Variants in ADAMTS18 observed in about 807,000 individuals in gnomAD.
ADAMTS18 encodes the protein ADAM metallopeptidase with thrombospondin type 1 motif 18, also known as A disintegrin and metalloproteinase with thrombospondin motifs 18.
In ADAMTS18, 157 loss-of-function variants were observed where a neutral mutation model predicts 165.9. The observed-to-expected ratio is 0.95, with a 90% CI of 0.83 to 1.08. The LOEUF (loss-of-function observed/expected upper bound fraction) is 1.08. ADAMTS18 is among the 50% of genes least tolerant of loss of function. The pLI, the probability that ADAMTS18 is intolerant of heterozygous loss-of-function variation, is 0.00. For missense variants in ADAMTS18, 2,040 were observed against 1,534.0 expected, an observed-to-expected ratio of 1.33 and a Z score of -5.51; for synonymous variants, 782 against 578.2, an observed-to-expected ratio of 1.35 and a Z score of -5.06.
Position 77,320,101 on chromosome 16 carries a change from G to A in ADAMTS18, c.2288-8C>T. 1.9e-6 allele frequency: 3 copies of A among 1,614,068 alleles called. No homozygotes were observed. Among genetic ancestry groups the A allele is most frequent in the Non-Finnish European group, 2.5e-6 (3 of 1,179,988 alleles). On this transcript the variant is annotated splice_polypyrimidine_tract_variant and splice_region_variant and intron_variant, in intron 15 of 22. Transcript: ENST00000282849. ...GGACCACCGGATAATATTCTAAATGGAAAGAAGAGAACATGTCTGAATTCC... is the reference window on the plus strand; with the variant it reads ...GGACCACCGGATAATATTCTAAATGAAAAGAAGAGAACATGTCTGAATTCC...
chr16:77,368,811 A>G (rs1466261365), intron 3 of ADAMTS18, among the ~76,000 whole-genome samples: 2 of 152,164 alleles, frequency 1.3e-5, no homozygotes, highest in Admixed American at 1.3e-4. Flanking sequence ...GGGTCTAGAG[A>G]ATCTGATGAG....
intron 3 of ADAMTS18, among the ~76,000 whole-genome samples, chr16:77,375,156 T>C (rs1303703962): frequency 1.3e-5 from 2 of 152,030 alleles, no homozygotes; most frequent in Non-Finnish European, 2.9e-5. Context: ...AACCAGCAAA[T>C]ATCACAAATG....
At chr16:77,396,221 G>C (rs531896346) in intron 3 of ADAMTS18, among the ~76,000 whole-genome samples, 4 of 152,164 alleles carry the variant, frequency 2.6e-5, no homozygotes, top group African/African-American at 9.7e-5. Context: ...TTAATCTCTA[G>C]ACATTCCAGT....
At chr16:77,392,109 T>C (rs2057195922) in intron 3 of ADAMTS18, among the ~76,000 whole-genome samples, 1 of 152,102 alleles carries the variant, frequency 6.6e-6, no homozygotes, top group South Asian at 2.1e-4. Flanking sequence ...CACACAGATG[T>C]GCCAGGCACA....
chr16:77,397,433 G>C (rs927793849), intron 3 of ADAMTS18, among the ~76,000 whole-genome samples: 4 of 152,084 alleles, frequency 2.6e-5, no homozygotes, highest in Admixed American at 2.6e-4. Flanking sequence ...TCATTCAGCA[G>C]ATGTTATATT....
intron 16 of ADAMTS18, among the ~76,000 whole-genome samples, chr16:77,316,349 G>A (rs2055887096): frequency 6.6e-6 from 1 of 151,658 alleles, no homozygotes; most frequent in Admixed American, 6.6e-5. Context: ...CTGCCTCCTG[G>A]GTTCAAGTGC....
chr16:77,307,486 C>G (rs1209352963), intron 16 of ADAMTS18, among the ~76,000 whole-genome samples: 1 of 152,196 alleles, frequency 6.6e-6, no homozygotes. Flanking sequence ...TGAACCTTGA[C>G]TACAGTTCTA....
At chr16:77,290,272 C>A (rs761588669) in intron 21 of ADAMTS18, among the ~76,000 whole-genome samples, 2 of 152,102 alleles carry the variant, frequency 1.3e-5, no homozygotes, top group Non-Finnish European at 2.9e-5. Context: ...TCCTCACTGC[C>A]GTTGTAGCAC....
chr16:77,388,676 G>A (rs1459979752), intron 3 of ADAMTS18, among the ~76,000 whole-genome samples: 2 of 152,176 alleles, frequency 1.3e-5, no homozygotes, highest in African/African-American at 2.4e-5. Context: ...CACAGTGAGT[G>A]ACTAGTGGGC....
intron 3 of ADAMTS18, among the ~76,000 whole-genome samples, chr16:77,425,907 G>C (rs895597010): frequency 2.6e-5 from 4 of 152,084 alleles, no homozygotes; most frequent in African/African-American, 9.7e-5. Flanking sequence ...TTAGCCAGGC[G>C]TGGTGGTGGA....
At chr16:77,385,282 C>A (rs939173375) in intron 3 of ADAMTS18, among the ~76,000 whole-genome samples, 1 of 152,168 alleles carries the variant, frequency 6.6e-6, no homozygotes, top group African/African-American at 2.4e-5. Flanking sequence ...TTTAAATTAT[C>A]ATTATCCAAA....
At chr16:77,323,936 A>G (rs1031698513) in intron 13 of ADAMTS18, among the ~76,000 whole-genome samples, 7 of 152,242 alleles carry the variant, frequency 4.6e-5, no homozygotes, top group African/African-American at 1.7e-4. Context: ...ATGAAATTGC[A>G]TGCTCCCTAC....
At chr16:77,388,121 A>G (rs2057134934) in intron 3 of ADAMTS18, among the ~76,000 whole-genome samples, 1 of 152,180 alleles carries the variant, frequency 6.6e-6, no homozygotes, top group African/African-American at 2.4e-5. Context: ...TTCTTTTGAG[A>G]TGCAGTCTCA....
chr16:77,352,472 A>G (rs1231993360), intron 10 of ADAMTS18, among the ~76,000 whole-genome samples: 8 of 152,218 alleles, frequency 5.3e-5, no homozygotes, highest in African/African-American at 1.9e-4. Context: ...CAAGTTGAAA[A>G]TATTTTCTGA....
At chr16:77,411,338 T>C (rs1032550582) in intron 3 of ADAMTS18, among the ~76,000 whole-genome samples, 2 of 152,230 alleles carry the variant, frequency 1.3e-5, no homozygotes, top group Non-Finnish European at 2.9e-5. Context: ...GTCAGTCTCA[T>C]GCCAACGCCT....
At chr16:77,336,654 G>A (rs1032539370) in intron 11 of ADAMTS18, among the ~76,000 whole-genome samples, 1 of 152,150 alleles carries the variant, frequency 6.6e-6, no homozygotes, top group Non-Finnish European at 1.5e-5. Flanking sequence ...CAAGCTAGAT[G>A]GAGAGCTTTT....
In ADAMTS18 at chr16:77,363,841, G is replaced by A. The variant is rs373600403; in HGVS notation, c.1017C>T (p.Asn339=). 50 of 1,613,808 alleles carry A rather than the reference G, an allele frequency of 3.1e-5. No individual in the cohort carries two copies. The highest frequency in any genetic ancestry group is 1.6e-4 in the Middle Eastern group (1 of 6,082). ...GAAGAATTAGGCTCACCACAACCAC[G>A]TTTATGTCACTTCCAATAGTCCCAT... ...FKDGTIGSDI[N]VVVVSLILLE... The change falls in exon 6 of 23, where the codon AAC becomes AAT. Residue 339 remains asparagine, a synonymous_variant. Transcript: ENST00000282849.
At chr16:77,422,836 T>A (rs1477653825) in intron 3 of ADAMTS18, among the ~76,000 whole-genome samples, 1 of 152,180 alleles carries the variant, frequency 6.6e-6, no homozygotes, top group Non-Finnish European at 1.5e-5. Context: ...ACTTCCCTCC[T>A]TAGAATACCT....
At chr16:77,376,607 A>G (rs776111257) in intron 3 of ADAMTS18, among the ~76,000 whole-genome samples, 5 of 152,124 alleles carry the variant, frequency 3.3e-5, no homozygotes, top group East Asian at 1.9e-4. Context: ...TTCTTCCTGC[A>G]TTGTGTTTTG....
Sources: gnomAD v4.1 joint callset for allele counts (sites outside exome capture counted in the v4.1 genomes callset) on GRCh38, gnomAD v4.1.1 for gene constraint, MANE v1.5 for transcripts, NCBI Gene and HGNC (gene_info 2026-07-23, HGNC 2026-07-21) for gene names.